Variants in IFT56 observed in about 807,000 individuals in gnomAD.
The protein encoded by IFT56 is intraflagellar transport protein 56.
At chr7:139,142,655 C>T in the IFT56 span, among the ~76,000 whole-genome samples, 202 of 152,204 alleles carry the variant, frequency 1.3e-3, 1 homozygote, top group Admixed American at 2.3e-3. Context: ...CATGGTGAAA[C>T]CATGTGTCTA....
At chr7:139,166,973 AT>A in the IFT56 span, 1 of 886,520 alleles carries the variant, frequency 1.1e-6, no homozygotes, top group South Asian at 1.4e-5. Flanking sequence ...TGGAAGTCAT[AT>A]TAGAGAAGAT....
the IFT56 span, chr7:139,142,319 C>T: frequency 1.2e-6 from 2 of 1,608,508 alleles, no homozygotes; most frequent in South Asian, 1.1e-5. Context: ...TTTATGTTCT[C>T]ATTTCACATT....
the IFT56 span, among the ~76,000 whole-genome samples, chr7:139,169,751 T>C: frequency 1.3e-5 from 2 of 152,170 alleles, no homozygotes; most frequent in Non-Finnish European, 2.9e-5. Flanking sequence ...TGGCTTAGGC[T>C]TGTAATCCCA....
chr7:139,191,685 A>G, the IFT56 span: 1 of 152,220 alleles, frequency 6.6e-6, no homozygotes, highest in African/African-American at 2.4e-5. Flanking sequence ...TTTTAAAGAA[A>G]GGTACCATCT....
At chr7:139,147,872 T>C in the IFT56 span, among the ~76,000 whole-genome samples, 2 of 152,226 alleles carry the variant, frequency 1.3e-5, no homozygotes, top group Admixed American at 1.3e-4. Flanking sequence ...TCCTACCTGC[T>C]TCCATTTCCA....
chr7:139,186,427 A>C, the IFT56 span, among the ~76,000 whole-genome samples: 1 of 135,116 alleles, frequency 7.4e-6, no homozygotes, highest in East Asian at 2.0e-4. Flanking sequence ...TCCTATCTCT[A>C]AAAAAAAAAA....
chr7:139,176,872 G>A, the IFT56 span, among the ~76,000 whole-genome samples: 1 of 152,000 alleles, frequency 6.6e-6, no homozygotes, highest in Non-Finnish European at 1.5e-5. Flanking sequence ...AGGGCAGATG[G>A]ATCAGAAACA....
the IFT56 span, among the ~76,000 whole-genome samples, chr7:139,177,314 TCA>T: frequency 6.6e-6 from 1 of 151,712 alleles, no homozygotes; most frequent in Non-Finnish European, 1.5e-5. Flanking sequence ...TTGCCTGATA[TCA>T]GATTCCTATT....
the IFT56 span, chr7:139,147,058 A>G: frequency 6.3e-7 from 1 of 1,582,718 alleles, no homozygotes; most frequent in South Asian, 1.1e-5. Context: ...AAGAAGGAAG[A>G]GTTAAAATCT....
the IFT56 span, among the ~76,000 whole-genome samples, chr7:139,151,172 A>G: frequency 6.6e-6 from 1 of 152,202 alleles, no homozygotes; most frequent in African/African-American, 2.4e-5. Context: ...AGACTGAGAA[A>G]AGGCCATTTT....
At chr7:139,181,232 G>T in the IFT56 span, 1 of 1,497,348 alleles carries the variant, frequency 6.7e-7, no homozygotes, top group Non-Finnish European at 9.2e-7. Context: ...GAACATTAAA[G>T]ATTCATTATC....
chr7:139,169,259 T>C, the IFT56 span: 2 of 1,590,094 alleles, frequency 1.3e-6, no homozygotes, highest in South Asian at 2.2e-5. Flanking sequence ...TTTACCTTAT[T>C]CCTCTATATC....
At chr7:139,137,425 A>G in the IFT56 span, among the ~76,000 whole-genome samples, 1 of 152,230 alleles carries the variant, frequency 6.6e-6, no homozygotes, top group African/African-American at 2.4e-5. Flanking sequence ...GCAGTAGAGC[A>G]CGGAGGGTGA....
the IFT56 span, among the ~76,000 whole-genome samples, chr7:139,137,340 C>T: frequency 2.0e-5 from 3 of 152,154 alleles, no homozygotes; most frequent in Non-Finnish European, 4.4e-5. Context: ...TAGAAAGATT[C>T]TCAGTGAAAG....
the IFT56 span, among the ~76,000 whole-genome samples, chr7:139,185,914 A>G: frequency 6.6e-6 from 1 of 152,056 alleles, no homozygotes. Context: ...AGGAAGAATG[A>G]AGGTGTAAAT....
At chr7:139,188,919 C>T in the IFT56 span, among the ~76,000 whole-genome samples, 4 of 152,152 alleles carry the variant, frequency 2.6e-5, no homozygotes, top group South Asian at 4.1e-4. Flanking sequence ...GGGAGAAATC[C>T]ATGAGTTAGA....
chr7:139,168,143 T>C, the IFT56 span, among the ~76,000 whole-genome samples: 1 of 152,174 alleles, frequency 6.6e-6, no homozygotes, highest in African/African-American at 2.4e-5. Flanking sequence ...ATGGTAAATT[T>C]TGTTATATAG....
the IFT56 span, chr7:139,189,734 C>CT: frequency 4.8e-5 from 9 of 186,834 alleles, no homozygotes; most frequent in Admixed American, 1.8e-4. Context: ...AACAGTATAA[C>CT]TTTTTTTTGT....
the IFT56 span, among the ~76,000 whole-genome samples, chr7:139,159,293 A>G: frequency 6.6e-6 from 1 of 152,120 alleles, no homozygotes; most frequent in Non-Finnish European, 1.5e-5. Flanking sequence ...CATGTTTTCT[A>G]TTTCTTCTTG....
Sources: gnomAD v4.1 joint callset for allele counts (sites outside exome capture counted in the v4.1 genomes callset) on GRCh38, gnomAD v4.1.1 for gene constraint, MANE v1.5 for transcripts, NCBI Gene and HGNC (gene_info 2026-07-23, HGNC 2026-07-21) for gene names.